MBNL2: variants seen among roughly 807,000 people sequenced by gnomAD.
MBNL2 encodes the protein muscleblind like splicing regulator 2.
A neutral mutation model predicts 41.9 loss-of-function variants in MBNL2; 17 were observed. The ratio of observed to expected loss-of-function variants is 0.41; its 90% CI spans 0.28 to 0.61. MBNL2 has a LOEUF of 0.61. Ranked by LOEUF, MBNL2 falls within the 20% of genes least tolerant of loss-of-function variation. The probability of loss-of-function intolerance (pLI) is 0.35; values close to 1 mark genes in which losing one functional copy is unlikely to be tolerated. For missense variants in MBNL2, 336 were observed against 505.6 expected, an observed-to-expected ratio of 0.66 and a Z score of 3.22; for synonymous variants, 195 against 182.9, an observed-to-expected ratio of 1.07 and a Z score of -0.53.
At chr13:97,315,843 C>T (rs2058999204) in intron 2 of MBNL2, among the ~76,000 whole-genome samples, 1 of 151,574 alleles carries the variant, frequency 6.6e-6, no homozygotes, top group Non-Finnish European at 1.5e-5. Flanking sequence ...GAAGGCCTTA[C>T]TCGTGGGTGA....
chr13:97,360,142 A>G (rs2063288062), intron 7 of MBNL2, among the ~76,000 whole-genome samples: 1 of 152,180 alleles, frequency 6.6e-6, no homozygotes, highest in Non-Finnish European at 1.5e-5. Flanking sequence ...AAATGAACAG[A>G]TTTTGATTTT....
At chr13:97,226,555 T>A (rs73555737) in intron 1 of MBNL2, among the ~76,000 whole-genome samples, 8,334 of 152,288 alleles carry the variant, frequency 0.055, 294 homozygotes, top group African/African-American at 0.077. Context: ...CTTTATTGGC[T>A]AATATTAATT....
intron 1 of MBNL2, among the ~76,000 whole-genome samples, chr13:97,227,146 T>C (rs1176053347): frequency 6.6e-6 from 1 of 151,664 alleles, no homozygotes; most frequent in African/African-American, 2.4e-5. Flanking sequence ...ACAGTTAGTG[T>C]GTATTCTCTG....
chr13:97,369,482 C>T (rs1264648430), intron 8 of MBNL2, among the ~76,000 whole-genome samples: 4 of 152,140 alleles, frequency 2.6e-5, no homozygotes, highest in South Asian at 2.1e-4. Context: ...GTTCGATGAC[C>T]GATAAGCACC....
At chr13:97,269,706 T>C (rs1029594757) in intron 1 of MBNL2, among the ~76,000 whole-genome samples, 5 of 152,190 alleles carry the variant, frequency 3.3e-5, no homozygotes, top group African/African-American at 1.2e-4. Flanking sequence ...AAAACCTCTC[T>C]GAGGCTCCCT....
At chr13:97,361,973 A>G (rs1469922022) in intron 7 of MBNL2, among the ~76,000 whole-genome samples, 1 of 151,528 alleles carries the variant, frequency 6.6e-6, no homozygotes, top group African/African-American at 2.4e-5. Flanking sequence ...GGATTTTACC[A>G]TCTTGGCCAG....
chr13:97,206,135 A>G, the MBNL2 span, among the ~76,000 whole-genome samples: 1 of 152,210 alleles, frequency 6.6e-6, no homozygotes, highest in East Asian at 1.9e-4. Context: ...TCTATCAGTC[A>G]TATCTACAGT....
chr13:97,206,446 G>C, the MBNL2 span, among the ~76,000 whole-genome samples: 1 of 152,108 alleles, frequency 6.6e-6, no homozygotes, highest in Non-Finnish European at 1.5e-5. Flanking sequence ...CCTGAGTGTT[G>C]ATAATTAGGT....
At chr13:97,257,392 A>C (rs1268299288) in intron 1 of MBNL2, among the ~76,000 whole-genome samples, 1 of 152,170 alleles carries the variant, frequency 6.6e-6, no homozygotes, top group Non-Finnish European at 1.5e-5. Flanking sequence ...TAATTTTCCT[A>C]CTCAGCAGTA....
the MBNL2 span, among the ~76,000 whole-genome samples, chr13:97,209,540 T>C: frequency 1.3e-5 from 2 of 152,260 alleles, no homozygotes; most frequent in Non-Finnish European, 2.9e-5. Context: ...TTTATAATAA[T>C]CTTTCCAATA....
chr13:97,190,847 A>G, the MBNL2 span, among the ~76,000 whole-genome samples: 1 of 152,208 alleles, frequency 6.6e-6, no homozygotes, highest in Non-Finnish European at 1.5e-5. Flanking sequence ...ACTAGAATAC[A>G]TCAGCTTCAA....
chr13:97,300,680 C>T (rs2153000093), intron 2 of MBNL2, among the ~76,000 whole-genome samples: 1 of 152,278 alleles, frequency 6.6e-6, no homozygotes, highest in Non-Finnish European at 1.5e-5. Flanking sequence ...TTCTTTTTCA[C>T]CTTCAACATC....
At position 97,346,752 on chromosome 13, in the gene MBNL2, G is replaced by T. The variant is rs978238500; in HGVS notation, c.541-52G>T. The T allele has an allele frequency of 2.6e-6, 4 of 1,557,404 alleles. No homozygotes were observed. The African/African-American group carries it at 4.1e-5, about 16-fold the overall frequency. On this transcript the variant is annotated intron_variant, in intron 4 of 8. Coordinates refer to ENST00000679496, the MANE Select transcript of MBNL2 (RefSeq NM_001382683.1). This position sits in a 1 kb window ranked among gnomAD's most constrained non-coding sequence, Gnocchi z 4.2. ...TCCCGCGGTGGCCGGGGCCGCAGGG[G>T]CGCCTGGGCTCAGGCTTGCCTCTGC...
At chr13:97,278,027 G>C (rs1007983276) in intron 2 of MBNL2, among the ~76,000 whole-genome samples, 10 of 152,016 alleles carry the variant, frequency 6.6e-5, no homozygotes, top group Admixed American at 1.3e-4. Flanking sequence ...AGGCTGAAGT[G>C]GGCGGATCAC....
chr13:97,251,448 C>T (rs980955764), intron 1 of MBNL2, among the ~76,000 whole-genome samples: 4 of 152,024 alleles, frequency 2.6e-5, no homozygotes, highest in African/African-American at 9.7e-5. Context: ...CTTTCTTAAC[C>T]CTGCTTTAAG....
At chr13:97,267,097 T>C (rs1367190169) in intron 1 of MBNL2, among the ~76,000 whole-genome samples, 5 of 152,182 alleles carry the variant, frequency 3.3e-5, no homozygotes, top group African/African-American at 4.8e-5. Context: ...CCTTAAAAAA[T>C]GTACAAACTA....
chr13:97,203,666 A>G, the MBNL2 span, among the ~76,000 whole-genome samples: 3 of 152,220 alleles, frequency 2.0e-5, no homozygotes, highest in African/African-American at 4.8e-5. Context: ...CTGACTCTTC[A>G]TTCTTCATCC....
At chr13:97,286,088 C>T (rs1295398217) in intron 2 of MBNL2, among the ~76,000 whole-genome samples, 1 of 152,198 alleles carries the variant, frequency 6.6e-6, no homozygotes, top group African/African-American at 2.4e-5. Flanking sequence ...TTTCTAGATG[C>T]TAAATATTTC....
chr13:97,324,770 C>A (rs1376277379), intron 2 of MBNL2, among the ~76,000 whole-genome samples: 1 of 152,134 alleles, frequency 6.6e-6, no homozygotes, highest in Non-Finnish European at 1.5e-5. Flanking sequence ...GAGCCCCTGG[C>A]AAACCACTGG....
Sources: gnomAD v4.1 joint callset for allele counts (sites outside exome capture counted in the v4.1 genomes callset) on GRCh38, gnomAD v4.1.1 for gene constraint, Gnocchi (gnomAD v3.1) non-coding constraint, MANE v1.5 for transcripts, NCBI Gene and HGNC (gene_info 2026-07-23, HGNC 2026-07-21) for gene names.